Variants in CLNK observed in about 807,000 individuals in gnomAD.
The protein encoded by CLNK is cytokine-dependent hematopoietic cell linker.
Under a neutral mutation model 68.6 loss-of-function variants are expected in CLNK, and 74 were observed. That is an observed-to-expected ratio of 1.08 (90% confidence interval 0.89 to 1.31). The LOEUF is 1.31. Among genes scored for constraint, CLNK ranks in the 50% most tolerant of loss-of-function variants. CLNK has a pLI of 0.00. For missense variants in CLNK, 553 were observed against 515.3 expected, an observed-to-expected ratio of 1.07 and a Z score of -0.71; for synonymous variants, 198 against 172.2, an observed-to-expected ratio of 1.15 and a Z score of -1.17.
chr4:10,491,774 T>G (rs1035307054), intron 18 of CLNK, among the ~76,000 whole-genome samples: 1 of 152,194 alleles, frequency 6.6e-6, no homozygotes, highest in Non-Finnish European at 1.5e-5. Context: ...TAGTAATTTT[T>G]TTTTTTAATT....
At chr4:10,645,655 CACATAGATAA>C (rs1577193421) in intron 2 of CLNK, among the ~76,000 whole-genome samples, 1 of 152,078 alleles carries the variant, frequency 6.6e-6, no homozygotes, top group East Asian at 1.9e-4. Context: ...CACATATGCA[CACATAGATAA>C]ACATTCATTA....
the CLNK span, among the ~76,000 whole-genome samples, chr4:10,731,450 T>C: frequency 3.0e-4 from 46 of 152,302 alleles, no homozygotes; most frequent in African/African-American, 1.1e-3. Flanking sequence ...TTTTGTTCCT[T>C]AGTTTCTGGT....
In CLNK at chr4:10,486,888, T is replaced by G. The variant is rs891466578; in HGVS notation, c.*3579A>C. 1.3e-5 allele frequency: 2 copies of G among 152,254 alleles called. No homozygotes were observed. Among genetic ancestry groups the G allele is most frequent in the Non-Finnish European group, 2.9e-5 (2 of 68,048 alleles). The allele number at this position is 152,254 out of a possible 1,614,324, so 9.4% of individuals were successfully genotyped here. On this transcript the variant is annotated 3_prime_UTR_variant, in exon 19 of 19. Coordinates refer to ENST00000226951, the MANE Select transcript of CLNK (RefSeq NM_052964.4). ...ACTGACTTAGATTATCTTATTTGTT[T>G]GTATATTTATTTGTCATCTATCTCT...
intron 17 of CLNK, among the ~76,000 whole-genome samples, chr4:10,504,486 G>T (rs1577091493): frequency 1.3e-5 from 2 of 152,302 alleles, no homozygotes; most frequent in East Asian, 3.9e-4. Context: ...ACAGGTAAAG[G>T]AATAAAGGTC....
chr4:10,732,464 A>C, the CLNK span, among the ~76,000 whole-genome samples: 1 of 152,320 alleles, frequency 6.6e-6, no homozygotes, highest in Non-Finnish European at 1.5e-5. Context: ...GTATGACTGA[A>C]CTTGGAAAAG....
At chr4:10,522,923 G>C (rs1276057497) in intron 14 of CLNK, among the ~76,000 whole-genome samples, 2 of 152,188 alleles carry the variant, frequency 1.3e-5, no homozygotes, top group African/African-American at 2.4e-5. Context: ...ATTCCAGGCA[G>C]GTAGAGCAGC....
rs528277863 is a variant in CLNK at position 10,487,242 on chromosome 4, G to A, written c.*3225C>T. On this transcript the variant is annotated 3_prime_UTR_variant, in exon 19 of 19. Coordinates refer to ENST00000226951, the MANE Select transcript of CLNK (RefSeq NM_052964.4). ...TTCAATTACAGATCTAATAAAGCAG[G>A]TAGACCATGAATAGGATAATTGCAT... 4.1e-4 allele frequency: 63 copies of A among 152,260 alleles called. No homozygotes were observed. Among genetic ancestry groups the A allele is most frequent in the African/African-American group, 1.5e-3 (63 of 41,542 alleles). 9.4% of individuals were successfully genotyped at this position (152,260 alleles called of 1,614,324 possible).
intron 8 of CLNK, among the ~76,000 whole-genome samples, chr4:10,542,650 GTGTGTA>G (rs1250776695): frequency 2.1e-5 from 3 of 142,678 alleles, no homozygotes; most frequent in Admixed American, 7.0e-5. Flanking sequence ...GTGTGTGTGT[GTGTGTA>G]TGTGTGTGTG....
chr4:10,641,501 C>G (rs943185224), intron 2 of CLNK, among the ~76,000 whole-genome samples: 1 of 152,172 alleles, frequency 6.6e-6, no homozygotes, highest in Admixed American at 6.5e-5. Flanking sequence ...AGACGTTATG[C>G]CAAGACTGTA....
Position 10,494,342 on chromosome 4 carries a change from T to A in CLNK, c.1141-3729A>T, listed in dbSNP as rs925160726. 2.2e-4 allele frequency among the ~76,000 whole-genome samples: 34 copies of A among 152,222 alleles called. 1 individual carries two copies. Among genetic ancestry groups the A allele is most frequent in the Admixed American group, 2.0e-3 (30 of 15,286 alleles). On this transcript the variant is annotated intron_variant, in intron 18 of 18. Transcript: ENST00000226951. The stretch of plus-strand genomic sequence containing the variant: ...CTGTTTTAAGATTGTCCCAAAATAA[T>A]ACATTTGCTATTAATTGTTTTAATA...
chr4:10,494,503 G>T (rs978154838), intron 18 of CLNK, among the ~76,000 whole-genome samples: 2 of 150,992 alleles, frequency 1.3e-5, no homozygotes, highest in Non-Finnish European at 1.5e-5. Flanking sequence ...TGTCACCCAG[G>T]CTGGATTGCA....
At chr4:10,608,375 A>G (rs1721867073) in intron 2 of CLNK, among the ~76,000 whole-genome samples, 1 of 151,826 alleles carries the variant, frequency 6.6e-6, no homozygotes, top group African/African-American at 2.4e-5. Context: ...CCATCTCTAC[A>G]TCTTCCAACT....
chr4:10,596,668 G>A (rs1055581680), intron 3 of CLNK, among the ~76,000 whole-genome samples: 3 of 147,194 alleles, frequency 2.0e-5, no homozygotes, highest in Non-Finnish European at 4.5e-5. Flanking sequence ...AGATTTGTAT[G>A]TCTATGTTTT....
the CLNK span, among the ~76,000 whole-genome samples, chr4:10,694,269 G>A: frequency 6.6e-6 from 1 of 151,280 alleles, no homozygotes; most frequent in Admixed American, 6.6e-5. Flanking sequence ...CCAAGTATGG[G>A]CCTTCAGCTT....
intron 11 of CLNK, among the ~76,000 whole-genome samples, chr4:10,535,002 A>T (rs1718687835): frequency 6.6e-6 from 1 of 152,108 alleles, no homozygotes; most frequent in African/African-American, 2.4e-5. Flanking sequence ...CAGAGCATAC[A>T]TTTTTGCGAC....
At chr4:10,612,858 G>C (rs1185346038) in intron 2 of CLNK, among the ~76,000 whole-genome samples, 2 of 152,206 alleles carry the variant, frequency 1.3e-5, no homozygotes, top group African/African-American at 4.8e-5. Context: ...GGCATCGAAG[G>C]TGTTTAGGTT....
chr4:10,539,430 G>C (rs1271865417), intron 11 of CLNK, among the ~76,000 whole-genome samples: 1 of 152,198 alleles, frequency 6.6e-6, no homozygotes, highest in Admixed American at 6.5e-5. Context: ...TTGTATCCAT[G>C]AGAAATGCTT....
intron 18 of CLNK, among the ~76,000 whole-genome samples, chr4:10,494,925 C>T (rs760684355): frequency 6.6e-6 from 1 of 151,856 alleles, no homozygotes; most frequent in Non-Finnish European, 1.5e-5. Flanking sequence ...CTGTTTAAAC[C>T]TTTTGTGTTT....
intron 3 of CLNK, among the ~76,000 whole-genome samples, chr4:10,591,109 A>T (rs1431333608): frequency 1.3e-5 from 2 of 152,150 alleles, no homozygotes; most frequent in East Asian, 3.9e-4. Context: ...GACAGTAGGG[A>T]ATCTGGAGGG....
Sources: allele counts gnomAD v4.1 joint callset (sites outside exome capture counted in the v4.1 genomes callset), GRCh38; gene constraint gnomAD v4.1.1; transcripts MANE v1.5; gene names NCBI Gene and HGNC (gene_info 2026-07-23, HGNC 2026-07-21).